TUT7: variants seen among roughly 807,000 people sequenced by gnomAD.
TUT7 encodes the protein terminal uridylyltransferase 7.
In TUT7, 33 loss-of-function variants were observed where a neutral mutation model predicts 165.9. That is an observed-to-expected ratio of 0.20 (90% CI 0.15 to 0.27). The LOEUF is 0.27. TUT7 is among the 10% of genes least tolerant of loss of function. The pLI is 1.00. For missense variants in TUT7, 1,338 were observed against 1,762.3 expected (o/e 0.76, Z 4.31); for synonymous variants, 552 against 608.1 (o/e 0.91, Z 1.36).
At position 86,323,938 on chromosome 9, in the gene TUT7, A is replaced by G. The variant is rs1265686575; in HGVS notation, c.1812T>C (p.Asn604=). 6.3e-7 allele frequency: 1 copy of G among 1,592,268 alleles called. No individual in the cohort carries two copies. Among genetic ancestry groups the G allele is most frequent in the Non-Finnish European group, 8.6e-7 (1 of 1,167,520 alleles). ...AIEDPYSVKR[N]VARTLNSQPV... is the part of the protein sequence containing the mutation. ...GTTGACTATTTAGGGTTCTTGCCAC[A>G]TTTCTTTTAACAGAGTAGGGATCTG... Residue 604 remains asparagine (N), a synonymous_variant, in exon 13 of 27, where the codon AAT becomes AAC. Transcript: ENST00000375963.
rs78286313 is a variant in TUT7, at chr9:86,317,715, A to G, written c.3217-439T>C. Among the ~76,000 whole-genome samples, 652 of 152,328 alleles carry G rather than the reference A, an allele frequency of 4.3e-3. 1 individual carries two copies. Among genetic ancestry groups the G allele is most frequent in the Non-Finnish European group, 5.9e-3 (400 of 68,022 alleles). On this transcript the variant is annotated intron_variant, in intron 16 of 26. Transcript: ENST00000375963. ...AGTTGATGAATTGCTGTGGAGAGTG[A>G]TTAAGCTCAAATTATTTCCCTATAG...
At chr9:86,345,639 G>A (rs760173894) in intron 4 of TUT7, 30 bp downstream of exon 4, 2 of 1,495,744 alleles carry the variant, frequency 1.3e-6, no homozygotes, top group Non-Finnish European at 1.9e-6. Flanking sequence ...TAACAAGTAA[G>A]CAGACTTGTT....
At chr9:86,336,655 T>G (rs1460881984) in intron 10 of TUT7, among the ~76,000 whole-genome samples, 1 of 152,216 alleles carries the variant, frequency 6.6e-6, no homozygotes, top group African/African-American at 2.4e-5. Context: ...CAATAGCCAA[T>G]GTGTCAAAGT....
At position 86,304,879 on chromosome 9, in the gene TUT7, G is replaced by A. The variant is rs760286653; in HGVS notation, c.3955C>T (p.Pro1319Ser). The change falls in exon 24 of 27, where the codon CCA (proline) becomes TCA (serine). Residue 1319 changes from proline (P) to serine (S), a missense_variant. Physicochemically the swap from Pro to Ser is moderately conservative, Grantham distance 74. Transcript: ENST00000375963. ...ACCATTTTTGAGGGGTAGTCCTTTGGAAATCCCTTGACAGGAATACCAAAT... is the reference window on the plus strand; with the variant it reads ...ACCATTTTTGAGGGGTAGTCCTTTGAAAATCCCTTGACAGGAATACCAAAT... ...RVFGIPVKGF[P>S]KDYPSKMEYF... The A allele has an allele frequency of 2.5e-6, 4 of 1,609,000 alleles. No individual in the cohort carries two copies. Among genetic ancestry groups the A allele is most frequent in the Non-Finnish European group, 3.4e-6 (4 of 1,178,074 alleles).
chr9:86,348,134 G>A (rs1184371476), intron 2 of TUT7, among the ~76,000 whole-genome samples: 2 of 152,054 alleles, frequency 1.3e-5, no homozygotes, highest in Non-Finnish European at 2.9e-5. Context: ...TGGTCACAAA[G>A]GTTTCTCCAT....
chr9:86,334,695 T>C (rs1253743041), intron 10 of TUT7, among the ~76,000 whole-genome samples: 1 of 152,040 alleles, frequency 6.6e-6, no homozygotes, highest in Non-Finnish European at 1.5e-5. Flanking sequence ...GGTTCAGGAG[T>C]TGGGCAGAGA....
At chr9:86,296,443 G>C (rs1478079730) in intron 26 of TUT7, among the ~76,000 whole-genome samples, 2 of 152,198 alleles carry the variant, frequency 1.3e-5, no homozygotes, top group African/African-American at 4.8e-5. Flanking sequence ...GGGGGATAGA[G>C]GGGGAGGGAG....
intron 8 of TUT7, among the ~76,000 whole-genome samples, chr9:86,339,343 C>A (rs1010826585): frequency 4.6e-5 from 7 of 151,960 alleles, no homozygotes; most frequent in African/African-American, 1.7e-4. Flanking sequence ...TGGGTGAAAC[C>A]CTGACTCTAC....
At position 86,345,676 on chromosome 9, in the gene TUT7, T is replaced by C. The variant is rs1294211562; in HGVS notation, c.812A>G (p.Asn271Ser). The stretch of plus-strand genomic sequence containing the variant: ...GGGTTACATTCAATTTACCTTAATG[T>C]TTTTCTTGTGCCTCTTTTCCTTGAT... ...KHIKEKRHKK[N>S]IKEKQEEELL... The change falls in exon 4 of 27, where the codon AAC (asparagine) becomes AGC (serine). Residue 271 changes from asparagine (N) to serine (S), a missense_variant. Around this residue, in one of 7 missense-constraint regions of TUT7, gnomAD observed 434 missense variants for 480.8 expected, o/e 0.90. Coordinates refer to ENST00000375963, the MANE Select transcript of TUT7 (RefSeq NM_024617.4). The C allele has an allele frequency of 1.2e-6, 2 of 1,608,626 alleles. No individual in the cohort carries two copies. The highest frequency in any genetic ancestry group is 1.7e-6 in the Non-Finnish European group (2 of 1,175,884).
At position 86,323,728 on chromosome 9, in the gene TUT7, T is replaced by A; in HGVS notation, c.2022A>T (p.Ser674=). Residue 674 remains serine, a synonymous_variant, in exon 13 of 27, where the codon TCA becomes TCT. Coordinates refer to ENST00000375963, the MANE Select transcript of TUT7 (RefSeq NM_024617.4). ...TAGCACCAGGACCTTGGGCCAAAAC[T>A]GAGTTTTTGAGCTTATCATCTTTTG... The part of the protein sequence containing the change: ...VQTKDDKLKN[S]VLAQGPGATS... 6.2e-7 allele frequency: 1 copy of A among 1,613,612 alleles called. No homozygotes were observed. Among genetic ancestry groups the A allele is most frequent in the African/African-American group, 1.3e-5 (1 of 75,036 alleles).
rs1832417787 is a variant in TUT7 at position 86,352,869 on chromosome 9, C to G, written c.331G>C (p.Asp111His). Residue 111 changes from aspartate (D) to histidine (H), a missense_variant, in exon 2 of 27, where the codon GAC becomes CAC. Coordinates refer to ENST00000375963, the MANE Select transcript of TUT7 (RefSeq NM_024617.4). ...CCAGGTTTGAATTCTCTCCAGTTGT[C>G]TGAATTACCAGTATGTTCATCAGAC... ...WLSDEHTGNS[D>H]NWREFKPGPR... is the part of the protein sequence containing the mutation. The G allele has an allele frequency of 1.2e-6, 2 of 1,614,180 alleles. No homozygotes were observed. Among genetic ancestry groups the G allele is most frequent in the Non-Finnish European group, 1.7e-6 (2 of 1,180,040 alleles).
chr9:86,341,523 C>T (rs1831326219), intron 6 of TUT7, among the ~76,000 whole-genome samples: 1 of 152,118 alleles, frequency 6.6e-6, no homozygotes, highest in South Asian at 2.1e-4. Flanking sequence ...GCCCTTAGGT[C>T]AAAACCAAAT....
At chr9:86,298,709 T>C (rs559347703) in intron 26 of TUT7, 295 of 845,254 alleles carry the variant, frequency 3.5e-4, no homozygotes, top group Non-Finnish European at 4.0e-4. Context: ...AAAAGGCATG[T>C]GGTAAAGTAT....
chr9:86,290,660 G>A (rs1825828928), intron 26 of TUT7, among the ~76,000 whole-genome samples: 1 of 148,790 alleles, frequency 6.7e-6, no homozygotes, highest in Non-Finnish European at 1.5e-5. Flanking sequence ...TGGGCAACAT[G>A]GTGAAACCTC....
chr9:86,288,445 C>T lies in TUT7; in HGVS notation c.*232G>A. On this transcript the variant is annotated 3_prime_UTR_variant, in exon 27 of 27. Coordinates refer to ENST00000375963, the MANE Select transcript of TUT7 (RefSeq NM_024617.4). The stretch of plus-strand genomic sequence containing the variant: ...TCTTTTAACGTGGCTTAAATACATA[C>T]ATCATGTCTTTCTATTAAAATCCTT... 1 of 348,876 alleles carries T rather than the reference C, an allele frequency of 2.9e-6. No homozygotes were observed. Among genetic ancestry groups the T allele is most frequent in the Non-Finnish European group, 5.2e-6 (1 of 191,618 alleles). 21.6% of individuals were successfully genotyped at this position (348,876 alleles called of 1,614,324 possible). A position where few individuals can be genotyped will look rare whatever the true frequency, so the allele number is the denominator to read the frequency against.
At chr9:86,336,116 A>C (rs1830751898) in intron 10 of TUT7, among the ~76,000 whole-genome samples, 1 of 152,192 alleles carries the variant, frequency 6.6e-6, no homozygotes, top group South Asian at 2.1e-4. Context: ...GATCTCATTC[A>C]GTAAGATGGT....
At chr9:86,343,533 G>A (rs1831494142) in intron 5 of TUT7, among the ~76,000 whole-genome samples, 1 of 152,012 alleles carries the variant, frequency 6.6e-6, no homozygotes, top group Admixed American at 6.6e-5. Context: ...GAATGTCTTT[G>A]TTTAAATTTA....
chr9:86,302,925 A>T (rs1324546631), intron 25 of TUT7, among the ~76,000 whole-genome samples, 161 bp downstream of exon 25: 2 of 152,206 alleles, frequency 1.3e-5, no homozygotes. Context: ...CATGTTTTAA[A>T]TCACTTCATT....
In TUT7 at chr9:86,323,849, T is replaced by C. The variant is rs777026458; in HGVS notation, c.1901A>G (p.Lys634Arg). ...TTYKYFALPH[K>R]ITKSSLLKPL... ...CTTTAGAAGGCTGGATTTTGTAATT[T>C]TGTGTGGAAGAGCAAAATACTTGTA... The change falls in exon 13 of 27, where the codon AAA (lysine) becomes AGA (arginine). Residue 634 changes from lysine (K) to arginine (R), a missense_variant. Coordinates refer to ENST00000375963, the MANE Select transcript of TUT7 (RefSeq NM_024617.4). 9 of 1,614,170 alleles carry C rather than the reference T, an allele frequency of 5.6e-6. No individual in the cohort carries two copies. Among genetic ancestry groups the C allele is most frequent in the Non-Finnish European group, 7.6e-6 (9 of 1,180,014 alleles).
Sources: allele counts gnomAD v4.1 joint callset (sites outside exome capture counted in the v4.1 genomes callset), GRCh38; gene constraint gnomAD v4.1.1; regional missense constraint gnomAD v4.1.1; transcripts MANE v1.5; gene names NCBI Gene and HGNC (gene_info 2026-07-23, HGNC 2026-07-21).